Variants in TASP1 observed in about 807,000 individuals in gnomAD.
The protein encoded by TASP1 is threonine aspartase 1.
Under a neutral mutation model 56.6 loss-of-function variants are expected in TASP1, and 16 were observed. That is an observed-to-expected ratio of 0.28 (90% CI 0.19 to 0.43). TASP1 has a LOEUF of 0.43. TASP1 is among the 20% of genes least tolerant of loss of function. The pLI, the probability that TASP1 is intolerant of heterozygous loss-of-function variation, is 1.00. For synonymous variants in TASP1, 179 were observed against 184.2 expected (o/e 0.97, Z 0.23); for missense variants, 393 against 511.6 (o/e 0.77, Z 2.24).
chr20:13,122,394 G>T, the TASP1 span, among the ~76,000 whole-genome samples: 1 of 152,298 alleles, frequency 6.6e-6, no homozygotes, highest in East Asian at 1.9e-4. Context: ...GGAAAGTACC[G>T]CAGGGTAAGG....
At chr20:13,583,338 G>C (rs1482610089) in intron 5 of TASP1, among the ~76,000 whole-genome samples, 1 of 152,162 alleles carries the variant, frequency 6.6e-6, no homozygotes, top group Non-Finnish European at 1.5e-5. Context: ...GGGTAACCCA[G>C]CAACTTCTCT....
At chr20:13,270,757 C>A in the TASP1 span, 2 of 1,611,040 alleles carry the variant, frequency 1.2e-6, no homozygotes, top group Admixed American at 3.4e-5. Context: ...ATTCTTGGCA[C>A]CTGGAAGATG....
At chr20:13,303,582 C>A in the TASP1 span, among the ~76,000 whole-genome samples, 1 of 152,190 alleles carries the variant, frequency 6.6e-6, no homozygotes, top group Non-Finnish European at 1.5e-5. Flanking sequence ...ACCTGGCATG[C>A]ATAGTCAGGC....
At chr20:13,183,453 G>A in the TASP1 span, among the ~76,000 whole-genome samples, 5 of 152,128 alleles carry the variant, frequency 3.3e-5, no homozygotes. Flanking sequence ...ATTTTAATAA[G>A]TCTCTAGTCA....
At chr20:13,611,961 T>A (rs2048360585) in intron 4 of TASP1, among the ~76,000 whole-genome samples, 1 of 152,226 alleles carries the variant, frequency 6.6e-6, no homozygotes, top group African/African-American at 2.4e-5. Context: ...CTGGCCTACA[T>A]CACTTTGTAA....
intron 6 of TASP1, among the ~76,000 whole-genome samples, chr20:13,575,986 C>T (rs188572708): frequency 4.6e-5 from 7 of 151,958 alleles, no homozygotes; most frequent in African/African-American, 7.2e-5. Flanking sequence ...CTGAGGTGGG[C>T]GGATCACCTG....
chr20:13,217,979 TTGGCTCA>T, the TASP1 span, among the ~76,000 whole-genome samples: 3 of 152,112 alleles, frequency 2.0e-5, no homozygotes, highest in South Asian at 6.2e-4. Context: ...GCTGGGCACG[TTGGCTCA>T]TGCCTGTAAT....
intron 11 of TASP1, among the ~76,000 whole-genome samples, chr20:13,455,547 T>A (rs200424517): frequency 1.3e-5 from 2 of 152,138 alleles, no homozygotes; most frequent in East Asian, 3.9e-4. Context: ...GAATCACTGA[T>A]GCTTTATGAA....
chr20:13,185,210 C>T, the TASP1 span, among the ~76,000 whole-genome samples: 2 of 152,090 alleles, frequency 1.3e-5, no homozygotes, highest in Non-Finnish European at 2.9e-5. Flanking sequence ...CAATGCTCTA[C>T]TTATTAAAAA....
intron 7 of TASP1, among the ~76,000 whole-genome samples, chr20:13,565,729 C>T (rs1319856025): frequency 1.3e-5 from 2 of 152,020 alleles, no homozygotes; most frequent in Non-Finnish European, 2.9e-5. Flanking sequence ...AAACTGGAAC[C>T]CTGGTGCACT....
intron 4 of TASP1, among the ~76,000 whole-genome samples, chr20:13,595,201 T>C (rs1482295848): frequency 2.6e-5 from 4 of 152,268 alleles, no homozygotes; most frequent in Middle Eastern, 6.8e-3. Context: ...CCACCAGGCC[T>C]GCCTTACAAG....
the TASP1 span, among the ~76,000 whole-genome samples, chr20:13,122,656 G>A: frequency 1.1e-4 from 16 of 152,236 alleles, no homozygotes; most frequent in Middle Eastern, 3.2e-3. Flanking sequence ...AAATTTAAAT[G>A]TATTAATGCA....
In TASP1 at chr20:13,421,385, G is replaced by GT. The variant is rs373121887; in HGVS notation, c.1097-3865dup. ...CCACCGCACCTGGCCTGTTTAGAGTGTTTGTTTTTGCCATTTGGAGAAAAA... is the reference window on the plus strand; with the variant it reads ...CCACCGCACCTGGCCTGTTTAGAGTGTTTTGTTTTTGCCATTTGGAGAAAAA... On this transcript the variant is annotated intron_variant, in intron 12 of 13. Coordinates refer to ENST00000337743, the MANE Select transcript of TASP1 (RefSeq NM_017714.3). Among the ~76,000 whole-genome samples, 1,212 of 138,368 alleles carry GT rather than the reference G, an allele frequency of 8.8e-3. 5 individuals are homozygous for GT. The highest frequency in any genetic ancestry group is 0.012 in the Non-Finnish European group (737 of 60,854). 90.8% of individuals were successfully genotyped at this position (138,368 alleles called of 152,430 possible).
the TASP1 span, among the ~76,000 whole-genome samples, chr20:13,268,137 T>TTCTCTTCTCC: frequency 2.0e-5 from 3 of 150,654 alleles, no homozygotes; most frequent in Middle Eastern, 3.4e-3. Flanking sequence ...TTCTCTTCTC[T>TTCTCTTCTCC]TCTCTTCTCT....
the TASP1 span, among the ~76,000 whole-genome samples, chr20:13,280,808 GA>G: frequency 6.6e-6 from 1 of 152,206 alleles, no homozygotes; most frequent in African/African-American, 2.4e-5. Context: ...GTGTGTCCAA[GA>G]AAAAGAGGAA....
At chr20:13,292,486 T>A in the TASP1 span, 3 of 1,461,712 alleles carry the variant, frequency 2.1e-6, no homozygotes, top group Non-Finnish European at 2.8e-6. Context: ...TCTTTTTTAA[T>A]CCAAATATTG....
At chr20:13,199,248 CT>C in the TASP1 span, among the ~76,000 whole-genome samples, 1 of 151,908 alleles carries the variant, frequency 6.6e-6, no homozygotes, top group Non-Finnish European at 1.5e-5. Context: ...TAATTTTTAC[CT>C]AATTTCACAA....
chr20:13,599,791 TAA>T (rs35137286), intron 4 of TASP1, among the ~76,000 whole-genome samples: 13 of 141,512 alleles, frequency 9.2e-5, no homozygotes, highest in Admixed American at 1.4e-4. Flanking sequence ...ATTCGTGATT[TAA>T]AAAAAAAAAA....
the TASP1 span, among the ~76,000 whole-genome samples, chr20:13,149,441 G>A: frequency 1.2e-4 from 19 of 152,326 alleles, no homozygotes; most frequent in East Asian, 2.7e-3. Context: ...GATGAGTAGC[G>A]TTTTATAGGT....
Sources: allele counts gnomAD v4.1 joint callset (sites outside exome capture counted in the v4.1 genomes callset), GRCh38; gene constraint gnomAD v4.1.1; transcripts MANE v1.5; gene names NCBI Gene and HGNC (gene_info 2026-07-23, HGNC 2026-07-21).